The following TCF4 variants were observed in gnomAD, a reference collection of about 807,000 sequenced individuals.
TCF4 encodes the protein SL3-3 enhancer factor 2.
In TCF4, 3 loss-of-function variants were observed where a neutral mutation model predicts 82.1. The observed-to-expected ratio is 0.04, with a 90% CI of 0.02 to 0.09. The LOEUF is 0.09. TCF4 is among the 10% of genes least tolerant of loss of function. The probability of loss-of-function intolerance (pLI) is 1.00; values close to 1 mark genes in which losing one functional copy is unlikely to be tolerated. For synonymous variants in TCF4, 276 were observed against 309.6 expected (o/e 0.89, Z 1.14); for missense variants, 518 against 852.7 (o/e 0.61, Z 4.89).
intron 12 of TCF4, 31 bp downstream of exon 12, chr18:55,261,435 C>T: frequency 6.2e-7 from 1 of 1,611,118 alleles, no homozygotes; most frequent in Non-Finnish European, 8.5e-7. Context: ...TACAATGGTA[C>T]ATATGGAGTC....
At chr18:55,392,261 G>A (rs1198989173) in intron 6 of TCF4, among the ~76,000 whole-genome samples, 12 of 151,282 alleles carry the variant, frequency 7.9e-5, no homozygotes, top group Non-Finnish European at 1.2e-4. Flanking sequence ...CATCATGCCC[G>A]GCCCAAAGAA....
At chr18:55,360,020 T>C (rs1268742657) in intron 6 of TCF4, among the ~76,000 whole-genome samples, 1 of 152,142 alleles carries the variant, frequency 6.6e-6, no homozygotes, top group Non-Finnish European at 1.5e-5. Flanking sequence ...TTGGAACAGG[T>C]GGGATAATGC....
chr18:55,604,522 A>G (rs1469244629), intron 2 of TCF4, among the ~76,000 whole-genome samples: 3 of 152,180 alleles, frequency 2.0e-5, no homozygotes, highest in Non-Finnish European at 4.4e-5. Context: ...GAGAGGACAA[A>G]GAGGATCTTT....
chr18:55,567,504 G>A (rs547432348), intron 3 of TCF4, among the ~76,000 whole-genome samples: 1 of 152,164 alleles, frequency 6.6e-6, no homozygotes, highest in Non-Finnish European at 1.5e-5. Context: ...CTTGAGGTCA[G>A]GAGTTCAAGA....
chr18:55,369,541 C>T (rs772091611), intron 6 of TCF4, among the ~76,000 whole-genome samples: 1 of 152,200 alleles, frequency 6.6e-6, no homozygotes, highest in Admixed American at 6.5e-5. Context: ...GATCAGGTAG[C>T]ACATGACAGT....
At chr18:55,553,812 T>C (rs115802508) in intron 3 of TCF4, among the ~76,000 whole-genome samples, 1,872 of 152,244 alleles carry the variant, frequency 0.012, 48 homozygotes, top group African/African-American at 0.043. Flanking sequence ...CACAGAATAT[T>C]AGGATGTTAT....
At chr18:55,584,730 G>A (rs1282296330) in intron 3 of TCF4, among the ~76,000 whole-genome samples, 1 of 151,900 alleles carries the variant, frequency 6.6e-6, no homozygotes, top group Non-Finnish European at 1.5e-5. Flanking sequence ...AAAAAAAACA[G>A]CTAAAGCATC....
At chr18:55,503,181 AT>A (rs1173905430) in intron 3 of TCF4, among the ~76,000 whole-genome samples, 1 of 152,214 alleles carries the variant, frequency 6.6e-6, no homozygotes, top group African/African-American at 2.4e-5. Context: ...ACAAAACAAA[AT>A]AATTTAGTTA....
intron 8 of TCF4, among the ~76,000 whole-genome samples, chr18:55,325,288 A>C (rs1428201837): frequency 2.6e-5 from 4 of 152,198 alleles, no homozygotes; most frequent in Admixed American, 2.0e-4. Flanking sequence ...GAGAAAATTG[A>C]GAAAAGAGAG....
At position 55,430,641 on chromosome 18, in the gene TCF4, GAA is replaced by G. The variant is rs5825140; in HGVS notation, c.305-27125_305-27124del. ...TTATGAAGACAGAAGCAGAAAGCAG[GAA>G]AAAAAAAAAGAGTAGTGAGCGAAAC... is the stretch of plus-strand genomic sequence containing the variant. On this transcript the variant is annotated intron_variant, in intron 5 of 19. Coordinates refer to ENST00000354452, the MANE Select transcript of TCF4 (RefSeq NM_001083962.2). Among the ~76,000 whole-genome samples the G allele has an allele frequency of 4.3e-3, 652 of 150,652 alleles. 2 individuals carry two copies. Among genetic ancestry groups the G allele is most frequent in the African/African-American group, 0.015 (616 of 41,088 alleles).
At chr18:55,594,012 A>G (rs2097688338) in intron 2 of TCF4, among the ~76,000 whole-genome samples, 2 of 152,146 alleles carry the variant, frequency 1.3e-5, no homozygotes, top group Admixed American at 1.3e-4. Flanking sequence ...CTGGAGCCCT[A>G]CTCACACTGT....
chr18:55,628,104 G>A (rs537538937), intron 2 of TCF4, among the ~76,000 whole-genome samples: 1 of 152,256 alleles, frequency 6.6e-6, no homozygotes, highest in East Asian at 1.9e-4. Flanking sequence ...GGACATTCAA[G>A]CCACTAGTTT....
chr18:55,381,520 C>A (rs1239874380), intron 6 of TCF4, among the ~76,000 whole-genome samples: 1 of 152,224 alleles, frequency 6.6e-6, no homozygotes, highest in African/African-American at 2.4e-5. Flanking sequence ...GCTACTGCAG[C>A]ATAAAGTGTG....
chr18:55,539,073 A>G (rs1197235576), intron 3 of TCF4, among the ~76,000 whole-genome samples: 1 of 152,106 alleles, frequency 6.6e-6, no homozygotes, highest in Non-Finnish European at 1.5e-5. Flanking sequence ...TGGATAAAAC[A>G]TGATGAGAAA....
intron 8 of TCF4, among the ~76,000 whole-genome samples, chr18:55,280,183 A>G (rs1002484051): frequency 4.6e-5 from 7 of 152,216 alleles, no homozygotes; most frequent in African/African-American, 1.7e-4. Context: ...AGAATATTAA[A>G]TTCCCATAGT....
intron 3 of TCF4, among the ~76,000 whole-genome samples, chr18:55,489,957 A>T (rs1406609765): frequency 6.6e-6 from 1 of 152,230 alleles, no homozygotes; most frequent in African/African-American, 2.4e-5. Context: ...TTATTTGAGC[A>T]CACAGTGCCA....
At position 55,297,147 on chromosome 18, in the gene TCF4, G is replaced by GTT. The variant is rs35268463; in HGVS notation, c.550-17493_550-17492dup. ...AAGCCTGTTGAGTCTTTTCTTTGAG[G>GTT]TTTTTTTTTTTTTTTTTTTTTTTAT... On this transcript the variant is annotated intron_variant, in intron 8 of 19. Transcript: ENST00000354452. Among the ~76,000 whole-genome samples the GTT allele has an allele frequency of 8.4e-3, 541 of 64,256 alleles. 11 individuals carry two copies. The highest frequency in any genetic ancestry group is 0.025 in the African/African-American group (358 of 14,530). 42.2% of individuals were successfully genotyped at this position (64,256 alleles called of 152,430 possible).
intron 3 of TCF4, among the ~76,000 whole-genome samples, chr18:55,573,231 T>G (rs2097492743): frequency 6.7e-6 from 1 of 149,166 alleles, no homozygotes; most frequent in African/African-American, 2.5e-5. Flanking sequence ...TTAGGTCTCA[T>G]AATTACTGTC....
intron 15 of TCF4, among the ~76,000 whole-genome samples, chr18:55,248,860 T>C (rs1241625861): frequency 1.3e-5 from 2 of 152,152 alleles, no homozygotes; most frequent in Non-Finnish European, 2.9e-5. Flanking sequence ...TTCTCCTGCC[T>C]CAGCCTCCTG....
Sources: allele counts gnomAD v4.1 joint callset (sites outside exome capture counted in the v4.1 genomes callset), GRCh38; gene constraint gnomAD v4.1.1; transcripts MANE v1.5; gene names NCBI Gene and HGNC (gene_info 2026-07-23, HGNC 2026-07-21).